Variants in FHL5 observed in about 807,000 individuals in gnomAD.
FHL5 encodes the protein four and a half LIM domains protein 5.
In FHL5, 33 loss-of-function variants were observed where a neutral mutation model predicts 32.0. That is an observed-to-expected ratio of 1.03 (90% CI 0.78 to 1.38). The LOEUF (loss-of-function observed/expected upper bound fraction) is 1.38, where lower values mean the gene tolerates loss of function less well. FHL5 is among the 40% of genes most tolerant of loss of function. The pLI is 0.00. For synonymous variants in FHL5, 114 were observed against 113.6 expected (o/e 1.00, Z -0.02); for missense variants, 336 against 343.9 (o/e 0.98, Z 0.18).
At chr6:96,589,703 C>G (rs907723448) in intron 1 of FHL5, among the ~76,000 whole-genome samples, 1 of 151,992 alleles carries the variant, frequency 6.6e-6, no homozygotes, top group Non-Finnish European at 1.5e-5. Flanking sequence ...TAAATTTTCT[C>G]TACATGGCCA....
rs1771511975 is a variant in FHL5, at chr6:96,615,975, CAA to C, written c.*205_*206del. The C allele has an allele frequency of 2.5e-6, 1 of 394,734 alleles. No homozygotes were observed. Among genetic ancestry groups the C allele is most frequent in the South Asian group, 6.2e-5 (1 of 16,080 alleles). The allele number at this position is 394,734 out of a possible 1,614,324, so 24.5% of individuals were successfully genotyped here. ...ACAGAAATGAATATATGCTAAATCA[CAA>C]AGACAACTCTCCTTGCAAAATACTG... is the stretch of plus-strand genomic sequence containing the variant. On this transcript the variant is annotated 3_prime_UTR_variant, in exon 6 of 6. Coordinates refer to ENST00000450218, the MANE Select transcript of FHL5 (RefSeq NM_001322466.2).
intron 1 of FHL5, among the ~76,000 whole-genome samples, chr6:96,598,162 G>A (rs942010545): frequency 1.3e-5 from 2 of 152,090 alleles, no homozygotes; most frequent in Non-Finnish European, 2.9e-5. Context: ...CTGCCACCAC[G>A]AGTACTGCCA....
At chr6:96,607,090 T>C (rs973283406) in intron 4 of FHL5, among the ~76,000 whole-genome samples, 3 of 152,140 alleles carry the variant, frequency 2.0e-5, no homozygotes, top group Non-Finnish European at 2.9e-5. Context: ...CTTCATCCAA[T>C]TCTTTTTTTA....
intron 1 of FHL5, among the ~76,000 whole-genome samples, chr6:96,573,854 T>C (rs1411370748): frequency 6.6e-6 from 1 of 152,138 alleles, no homozygotes; most frequent in Non-Finnish European, 1.5e-5. Flanking sequence ...ATAATTGTTT[T>C]TTAAATTAAA....
chr6:96,576,492 C>CCAGG (rs1294359838), intron 1 of FHL5, among the ~76,000 whole-genome samples: 1 of 152,204 alleles, frequency 6.6e-6, no homozygotes, highest in African/African-American at 2.4e-5. Flanking sequence ...TGTCCCTCTC[C>CCAGG]CAGGCTACCA....
chr6:96,612,077 C>A (rs575176343), intron 5 of FHL5, among the ~76,000 whole-genome samples: 2 of 152,286 alleles, frequency 1.3e-5, no homozygotes, highest in South Asian at 4.1e-4. Context: ...CCTCTCTGTC[C>A]CTTGCACCCT....
chr6:96,613,766 C>A (rs938346641), intron 5 of FHL5, among the ~76,000 whole-genome samples: 1 of 152,194 alleles, frequency 6.6e-6, no homozygotes, highest in Non-Finnish European at 1.5e-5. Flanking sequence ...TGCTTACTAG[C>A]TGGGTGACCT....
At chr6:96,599,974 C>CT (rs1771116497) in intron 1 of FHL5, among the ~76,000 whole-genome samples, 1 of 152,214 alleles carries the variant, frequency 6.6e-6, no homozygotes, top group African/African-American at 2.4e-5. Context: ...TCCTCATCCT[C>CT]TTTCCTACAG....
intron 5 of FHL5, among the ~76,000 whole-genome samples, chr6:96,613,778 G>A (rs1166073600): frequency 2.0e-5 from 3 of 152,172 alleles, no homozygotes; most frequent in Non-Finnish European, 4.4e-5. Flanking sequence ...GGGTGACCTG[G>A]GGCAAGCGGT....
chr6:96,610,464 T>G (rs1562065669), intron 4 of FHL5, 108 bp from the exon 5 acceptor site: 17 of 813,494 alleles, frequency 2.1e-5, no homozygotes, highest in Non-Finnish European at 3.2e-5. Flanking sequence ...TTTTTTTTTC[T>G]TTTTGCTTCC....
At chr6:96,579,561 C>T (rs1770655852) in intron 1 of FHL5, among the ~76,000 whole-genome samples, 1 of 152,090 alleles carries the variant, frequency 6.6e-6, no homozygotes, top group African/African-American at 2.4e-5. Flanking sequence ...AACATACGAA[C>T]TTGCAAGGTA....
At chr6:96,601,121 G>T (rs1363905778) in intron 1 of FHL5, among the ~76,000 whole-genome samples, 2 of 151,978 alleles carry the variant, frequency 1.3e-5, no homozygotes, top group African/African-American at 4.8e-5. Flanking sequence ...GGATCTTGAG[G>T]TCAGGAGATT....
At chr6:96,579,306 G>T (rs986055102) in intron 1 of FHL5, among the ~76,000 whole-genome samples, 1 of 152,076 alleles carries the variant, frequency 6.6e-6, no homozygotes, top group East Asian at 1.9e-4. Context: ...AGGAAGGCAC[G>T]TTTGATTTTG....
At chr6:96,576,620 A>G (rs1224588483) in intron 1 of FHL5, among the ~76,000 whole-genome samples, 1 of 152,238 alleles carries the variant, frequency 6.6e-6, no homozygotes, top group Non-Finnish European at 1.5e-5. Flanking sequence ...ATATTCAGGG[A>G]GCTGTTTGAT....
chr6:96,615,858 GT>G lies in FHL5; in HGVS notation c.*90del. 2 of 1,186,660 alleles carry G rather than the reference GT, an allele frequency of 1.7e-6. No individual in the cohort carries two copies. Among genetic ancestry groups the G allele is most frequent in the Non-Finnish European group, 2.3e-6 (2 of 859,876 alleles). The allele number at this position is 1,186,660 out of a possible 1,614,324, so 73.5% of individuals were successfully genotyped here. A position where few individuals can be genotyped will look rare whatever the true frequency, so the allele number is the denominator to read the frequency against. On this transcript the variant is annotated 3_prime_UTR_variant, in exon 6 of 6. Coordinates refer to ENST00000450218, the MANE Select transcript of FHL5 (RefSeq NM_001322466.2). ...AGTTGCGGTCTTATTTTTGACTTAAGTTTTAGAAAATATTCATGTAGTTTAG... is the reference window on the plus strand; with the variant it reads ...AGTTGCGGTCTTATTTTTGACTTAAGTTTAGAAAATATTCATGTAGTTTAG...
intron 1 of FHL5, among the ~76,000 whole-genome samples, chr6:96,595,712 G>A (rs1183150078): frequency 2.0e-5 from 3 of 151,470 alleles, no homozygotes; most frequent in Non-Finnish European, 4.4e-5. Context: ...ATTCTAATCT[G>A]CATTTTAATC....
intron 1 of FHL5, among the ~76,000 whole-genome samples, chr6:96,592,071 G>C (rs1770931363): frequency 6.6e-6 from 1 of 152,128 alleles, no homozygotes; most frequent in Non-Finnish European, 1.5e-5. Flanking sequence ...GAAGTTTCGG[G>C]CACCACTGTC....
intron 1 of FHL5, among the ~76,000 whole-genome samples, chr6:96,566,461 A>G (rs1484392083): frequency 6.6e-6 from 1 of 152,066 alleles, no homozygotes; most frequent in East Asian, 1.9e-4. Flanking sequence ...TGCAATAAAC[A>G]TGGGAATACA....
intron 4 of FHL5, among the ~76,000 whole-genome samples, chr6:96,607,207 G>T (rs1324057333): frequency 1.3e-5 from 2 of 150,656 alleles, no homozygotes; most frequent in Non-Finnish European, 1.5e-5. Context: ...GACCTGCGAG[G>T]CATCATAAGT....
Sources: allele counts gnomAD v4.1 joint callset (sites outside exome capture counted in the v4.1 genomes callset), GRCh38; gene constraint gnomAD v4.1.1; transcripts MANE v1.5; gene names NCBI Gene and HGNC (gene_info 2026-07-23, HGNC 2026-07-21).